The following ESR1 variants were observed in gnomAD, a reference collection of about 807,000 sequenced individuals.
ESR1 encodes estrogen receptor 1, also known as estrogen receptor.
Under a neutral mutation model 52.7 loss-of-function variants are expected in ESR1, and 12 were observed. That is an observed-to-expected ratio of 0.23 (90% CI 0.15 to 0.37). The LOEUF is 0.37. ESR1 is among the 10% of genes least tolerant of loss of function. The pLI, the probability that ESR1 is intolerant of heterozygous loss-of-function variation, is 1.00. For missense variants in ESR1, 584 were observed against 779.7 expected (o/e 0.75, Z 2.99); for synonymous variants, 305 against 316.8 (o/e 0.96, Z 0.39).
intron 4 of ESR1, among the ~76,000 whole-genome samples, chr6:151,988,889 A>G (rs2040762965): frequency 6.6e-6 from 1 of 152,052 alleles, no homozygotes; most frequent in Non-Finnish European, 1.5e-5. Flanking sequence ...ATTGGTTAGG[A>G]ATTTCACCAA....
At chr6:151,992,021 G>A (rs1405391832) in intron 4 of ESR1, among the ~76,000 whole-genome samples, 1 of 152,050 alleles carries the variant, frequency 6.6e-6, no homozygotes, top group Non-Finnish European at 1.5e-5. Flanking sequence ...CTGGTGTCGG[G>A]GAAGGCTTCT....
At chr6:151,980,091 G>T (rs574848807) in intron 4 of ESR1, among the ~76,000 whole-genome samples, 1 of 152,118 alleles carries the variant, frequency 6.6e-6, no homozygotes, top group Non-Finnish European at 1.5e-5. Context: ...ACTTCTAGTT[G>T]TCACTTTTTC....
chr6:151,758,064 T>C (rs1472255440), intron 2 of ESR1, among the ~76,000 whole-genome samples: 1 of 152,242 alleles, frequency 6.6e-6, no homozygotes, highest in Non-Finnish European at 1.5e-5. Flanking sequence ...CTGGGAGTTT[T>C]GAATGTGCAG....
At chr6:151,903,152 T>C (rs1295073158) in intron 3 of ESR1, among the ~76,000 whole-genome samples, 4 of 152,104 alleles carry the variant, frequency 2.6e-5, no homozygotes, top group Non-Finnish European at 5.9e-5. Context: ...TTTTTAGTAA[T>C]TTTTTTTATT....
chr6:151,788,260 GA>G lies in ESR1; in HGVS notation c.-70-19576del, dbSNP rs574015516. Among the ~76,000 whole-genome samples, 351 of 151,974 alleles carry G rather than the reference GA, an allele frequency of 2.3e-3. 2 individuals are homozygous for G. Among genetic ancestry groups the G allele is most frequent in the African/African-American group, 8.1e-3 (335 of 41,478 alleles). ...ATCTATAAGGAACTTAAATTTACAA[GA>G]AAAAAACAACCTCATTAAAAAGCAG... is the stretch of plus-strand genomic sequence containing the variant. On this transcript the variant is annotated intron_variant, in intron 2 of 2. Transcript: ENST00000404742.
At chr6:152,025,945 A>G (rs1266313723) in intron 5 of ESR1, among the ~76,000 whole-genome samples, 1 of 151,966 alleles carries the variant, frequency 6.6e-6, no homozygotes, top group Non-Finnish European at 1.5e-5. Context: ...AAATTCAGCA[A>G]TTTCATGTTT....
Position 151,795,087 on chromosome 6 carries a change from A to G in ESR1, c.-70-12756A>G, listed in dbSNP as rs571149870. Among the ~76,000 whole-genome samples, 3 of 152,322 alleles carry G rather than the reference A, an allele frequency of 2.0e-5. No homozygotes were observed. In the South Asian group the frequency reaches 6.2e-4, roughly 32 times the overall value. ...CTATATCATTGCATTTAATCTTTGC[A>G]ACAACTCTTTGAGGTGGAAATTGCC... is the stretch of plus-strand genomic sequence containing the variant. On this transcript the variant is annotated intron_variant, in intron 2 of 2. Transcript: ENST00000404742.
At chr6:152,091,212 A>G (rs1014647958) in intron 6 of ESR1, among the ~76,000 whole-genome samples, 2 of 152,226 alleles carry the variant, frequency 1.3e-5, no homozygotes, top group Admixed American at 6.5e-5. Context: ...GTTTCTCCCA[A>G]ATGGCCCCTG....
intron 6 of ESR1, among the ~76,000 whole-genome samples, chr6:152,082,527 GA>G (rs1245937101): frequency 6.6e-6 from 1 of 152,152 alleles, no homozygotes; most frequent in Non-Finnish European, 1.5e-5. Flanking sequence ...GCAAAACCTG[GA>G]AGCATTCCTT....
At chr6:151,697,451 A>G (rs1237470800) in intron 1 of ESR1, among the ~76,000 whole-genome samples, 1 of 152,238 alleles carries the variant, frequency 6.6e-6, no homozygotes, top group Admixed American at 6.5e-5. Flanking sequence ...TCAAAACATT[A>G]TACTAGTGAT....
At chr6:151,795,604 G>T (rs1308004172) in intron 2 of ESR1, among the ~76,000 whole-genome samples, 2 of 151,778 alleles carry the variant, frequency 1.3e-5, no homozygotes, top group East Asian at 1.9e-4. Flanking sequence ...CAAAAAGTTC[G>T]AAGATCCATC....
chr6:152,097,125 T>TTCTCTTTCTCTCTCTC (rs781521347), intron 7 of ESR1, among the ~76,000 whole-genome samples: 3 of 151,916 alleles, frequency 2.0e-5, no homozygotes, highest in Admixed American at 2.0e-4. Flanking sequence ...GAGAGGTTGC[T>TTCTCTTTCTCTCTCTC]TCTCTTTCTC....
chr6:151,751,443 T>C (rs984332646), intron 2 of ESR1, among the ~76,000 whole-genome samples: 1 of 152,228 alleles, frequency 6.6e-6, no homozygotes, highest in African/African-American at 2.4e-5. Flanking sequence ...AGAACGCATG[T>C]AATGCTGAGA....
At chr6:151,904,731 T>C (rs1049344077) in intron 3 of ESR1, among the ~76,000 whole-genome samples, 2 of 152,240 alleles carry the variant, frequency 1.3e-5, no homozygotes, top group Non-Finnish European at 2.9e-5. Context: ...ATGTTTACTC[T>C]AGGGCTGTAG....
chr6:152,040,507 A>G (rs560887499), intron 5 of ESR1, among the ~76,000 whole-genome samples: 9 of 152,262 alleles, frequency 5.9e-5, no homozygotes, highest in Admixed American at 5.2e-4. Context: ...TCAGTTTTCC[A>G]ATCATGCTTC....
chr6:151,799,164 G>A (rs770766602), intron 2 of ESR1, among the ~76,000 whole-genome samples: 1 of 152,204 alleles, frequency 6.6e-6, no homozygotes, highest in Non-Finnish European at 1.5e-5. Flanking sequence ...TACCCAGAGA[G>A]GCTGAGGGTG....
intron 3 of ESR1, among the ~76,000 whole-genome samples, chr6:151,899,320 C>A (rs1796168257): frequency 8.0e-6 from 1 of 125,770 alleles, no homozygotes; most frequent in Non-Finnish European, 1.7e-5. Context: ...CCACCTCCCT[C>A]CCGGACGGGG....
At chr6:151,662,143 CGAGA>C (rs1293566933) in intron 1 of ESR1, among the ~76,000 whole-genome samples, 4 of 152,050 alleles carry the variant, frequency 2.6e-5, no homozygotes, top group Non-Finnish European at 5.9e-5. Context: ...GGAGGGCGCT[CGAGA>C]GACTCACCTT....
chr6:152,072,131 T>G (rs964852061), intron 6 of ESR1, among the ~76,000 whole-genome samples: 1 of 152,252 alleles, frequency 6.6e-6, no homozygotes, highest in African/African-American at 2.4e-5. Flanking sequence ...AGTCAGGAAT[T>G]TCTACATAGA....
Sources: allele counts gnomAD v4.1 joint callset (sites outside exome capture counted in the v4.1 genomes callset), GRCh38; gene constraint gnomAD v4.1.1; transcripts MANE v1.5; gene names NCBI Gene and HGNC (gene_info 2026-07-23, HGNC 2026-07-21).